MSRA: variants seen among roughly 807,000 people sequenced by gnomAD.
The protein encoded by MSRA is mitochondrial peptide methionine sulfoxide reductase.
A neutral mutation model predicts 31.3 loss-of-function variants in MSRA; 54 were observed. The observed-to-expected ratio is 1.73, with a 90% confidence interval of 1.39 to 2.17. The LOEUF (loss-of-function observed/expected upper bound fraction) is 2.17, where lower values mean the gene tolerates loss of function less well. Ranked by LOEUF, MSRA falls within the 30% of genes most tolerant of loss-of-function variation. MSRA has a pLI of 0.00. For missense variants in MSRA, 507 were observed against 300.9 expected (o/e 1.69, Z -5.07); for synonymous variants, 169 against 116.5 (o/e 1.45, Z -2.90).
rs371226320 is a variant in MSRA at position 10,108,621 on chromosome 8, G to A, written c.142+53963G>A. On this transcript the variant is annotated intron_variant, in intron 1 of 5. Transcript: ENST00000317173. ...TTGATTCATTTTATAAACACCCCGA[G>A]GAAGTTTGCACGTAGAAACTTTGGC... is the stretch of plus-strand genomic sequence containing the variant. 3.9e-5 allele frequency among the ~76,000 whole-genome samples: 6 copies of A among 152,258 alleles called. No homozygotes were observed. The East Asian group carries it at 9.7e-4, about 24-fold the overall frequency.
intron 3 of MSRA, among the ~76,000 whole-genome samples, chr8:10,295,794 C>A (rs1326797739): frequency 6.6e-6 from 1 of 152,124 alleles, no homozygotes; most frequent in Non-Finnish European, 1.5e-5. Flanking sequence ...GCCCCGGTGC[C>A]TCTGCCCTCT....
intron 1 of MSRA, among the ~76,000 whole-genome samples, chr8:10,058,322 AAT>A (rs1374571832): frequency 6.6e-6 from 1 of 152,224 alleles, no homozygotes; most frequent in Non-Finnish European, 1.5e-5. Flanking sequence ...TGAAAGTACA[AAT>A]ATACAAAATA....
intron 5 of MSRA, among the ~76,000 whole-genome samples, chr8:10,384,436 G>A (rs1290331883): frequency 6.6e-6 from 1 of 152,216 alleles, no homozygotes; most frequent in African/African-American, 2.4e-5. Flanking sequence ...TCTTGAGGTA[G>A]CTCCGCAGGA....
chr8:10,272,817 A>G (rs942266350), intron 3 of MSRA, among the ~76,000 whole-genome samples: 4 of 152,194 alleles, frequency 2.6e-5, no homozygotes, highest in African/African-American at 7.2e-5. Flanking sequence ...CAATCACTAG[A>G]CACTAGCCTA....
intron 1 of MSRA, among the ~76,000 whole-genome samples, chr8:10,076,697 C>T (rs532019441): frequency 2.4e-4 from 36 of 152,188 alleles, no homozygotes; most frequent in African/African-American, 8.4e-4. Flanking sequence ...GGTTCCCTTA[C>T]CCACAGTGGT....
At chr8:10,243,384 C>T (rs1797438940) in intron 2 of MSRA, among the ~76,000 whole-genome samples, 1 of 152,138 alleles carries the variant, frequency 6.6e-6, no homozygotes, top group African/African-American at 2.4e-5. Context: ...CTATCATCCT[C>T]CCCTCATCCC....
intron 1 of MSRA, among the ~76,000 whole-genome samples, chr8:10,194,793 G>A (rs530550619): frequency 3.3e-5 from 5 of 152,302 alleles, no homozygotes; most frequent in African/African-American, 1.2e-4. Context: ...CTGCTTACCT[G>A]CAGCTGCCAG....
At chr8:10,123,046 C>T (rs1801240247) in intron 1 of MSRA, among the ~76,000 whole-genome samples, 1 of 152,050 alleles carries the variant, frequency 6.6e-6, no homozygotes, top group South Asian at 2.1e-4. Context: ...GAGTATATAC[C>T]CAATAATGGG....
chr8:10,356,640 T>C (rs905494148), intron 5 of MSRA, among the ~76,000 whole-genome samples: 2 of 152,178 alleles, frequency 1.3e-5, no homozygotes, highest in African/African-American at 4.8e-5. Flanking sequence ...GGAGCCCTGA[T>C]AAATAGGATG....
At chr8:10,278,619 T>G (rs1799451657) in intron 3 of MSRA, among the ~76,000 whole-genome samples, 1 of 152,156 alleles carries the variant, frequency 6.6e-6, no homozygotes, top group South Asian at 2.1e-4. Context: ...CTGCTCACAT[T>G]CTTGGGAGAC....
intron 1 of MSRA, among the ~76,000 whole-genome samples, chr8:10,092,437 T>G (rs1318025927): frequency 6.6e-6 from 1 of 152,154 alleles, no homozygotes; most frequent in Non-Finnish European, 1.5e-5. Flanking sequence ...GGTGGGCAGA[T>G]CACGAGGTCA....
At chr8:10,222,701 T>G (rs1436580629) in intron 2 of MSRA, among the ~76,000 whole-genome samples, 1 of 152,216 alleles carries the variant, frequency 6.6e-6, no homozygotes, top group African/African-American at 2.4e-5. Context: ...TTGATTAACC[T>G]GGAGAACATT....
At chr8:10,213,244 T>C (rs1390653695) in intron 2 of MSRA, among the ~76,000 whole-genome samples, 1 of 152,014 alleles carries the variant, frequency 6.6e-6, no homozygotes, top group Non-Finnish European at 1.5e-5. Flanking sequence ...CTCATCTCCA[T>C]GAGTTTAATT....
chr8:10,145,828 G>A (rs1204547113), intron 1 of MSRA, among the ~76,000 whole-genome samples: 2 of 148,002 alleles, frequency 1.4e-5, no homozygotes, highest in African/African-American at 5.2e-5. Flanking sequence ...GCATCTGCAC[G>A]TGTGTGTGTG....
At chr8:10,149,157 C>T (rs921668399) in intron 1 of MSRA, among the ~76,000 whole-genome samples, 12 of 150,666 alleles carry the variant, frequency 8.0e-5, no homozygotes, top group African/African-American at 2.2e-4. Flanking sequence ...GTTTTGCTCT[C>T]GTCGCCTGGG....
chr8:10,201,973 C>A (rs7845503), intron 1 of MSRA, among the ~76,000 whole-genome samples: 1 of 152,054 alleles, frequency 6.6e-6, no homozygotes. Flanking sequence ...GGCACCCACT[C>A]TGCTATGGCT....
chr8:10,114,130 C>T (rs1033460598), intron 1 of MSRA, among the ~76,000 whole-genome samples: 8 of 152,198 alleles, frequency 5.3e-5, no homozygotes, highest in African/African-American at 1.4e-4. Context: ...TATGTTGCAG[C>T]ATGTATCAGT....
rs1809339686 is a variant in MSRA, at chr8:10,428,485, A to G, written c.*173A>G. On this transcript the variant is annotated 3_prime_UTR_variant, in exon 6 of 6. Transcript: ENST00000317173. ...TAGGAGGCGCGATGGCAAGTTGATA[A>G]AATGTGACTTATCTCCTAATAAGTT... is the stretch of plus-strand genomic sequence containing the variant. The G allele has an allele frequency of 4.5e-6, 3 of 661,810 alleles. No homozygotes were observed. Among genetic ancestry groups the G allele is most frequent in the Non-Finnish European group, 7.6e-6 (3 of 397,018 alleles). The allele number at this position is 661,810 out of a possible 1,614,324, so 41.0% of individuals were successfully genotyped here.
intron 2 of MSRA, among the ~76,000 whole-genome samples, chr8:10,243,688 A>G (rs529071940): frequency 2.0e-5 from 3 of 152,226 alleles, no homozygotes; most frequent in Non-Finnish European, 4.4e-5. Flanking sequence ...ACTGTAATAC[A>G]GTAGTGGTTA....
Sources: gnomAD v4.1 joint callset for allele counts (sites outside exome capture counted in the v4.1 genomes callset) on GRCh38, gnomAD v4.1.1 for gene constraint, MANE v1.5 for transcripts, NCBI Gene and HGNC (gene_info 2026-07-23, HGNC 2026-07-21) for gene names.